Variants in CAT observed in about 807,000 individuals in gnomAD.
CAT encodes epididymis secretory sperm binding protein.
A neutral mutation model predicts 59.0 loss-of-function variants in CAT; 43 were observed. The observed-to-expected ratio is 0.73, with a 90% CI of 0.57 to 0.94. The LOEUF is 0.94. CAT is among the 40% of genes least tolerant of loss of function. CAT has a pLI of 0.00. For missense variants in CAT, 664 were observed against 682.9 expected, an observed-to-expected ratio of 0.97 and a Z score of 0.31; for synonymous variants, 218 against 230.9, an observed-to-expected ratio of 0.94 and a Z score of 0.51.
intron 1 of CAT, among the ~76,000 whole-genome samples, chr11:34,439,895 C>T (rs558739933): frequency 1.1e-4 from 17 of 152,200 alleles, no homozygotes; most frequent in South Asian, 8.3e-4. Flanking sequence ...CCAGGTGGGC[C>T]GGACAAAGCA....
intron 8 of CAT, 72 bp from the exon 9 acceptor site, chr11:34,461,179 T>G (rs1457402982): frequency 3.3e-6 from 5 of 1,524,620 alleles, no homozygotes; most frequent in Non-Finnish European, 4.6e-6. Flanking sequence ...AATTTCAGAA[T>G]GAAGTTTACA....
At chr11:34,451,410 T>G (rs1399354320) in intron 3 of CAT, among the ~76,000 whole-genome samples, 1 of 152,234 alleles carries the variant, frequency 6.6e-6, no homozygotes, top group South Asian at 2.1e-4. Flanking sequence ...TAACTATGCC[T>G]ACAGCTGACC....
chr11:34,449,417 A>G (rs545510446), intron 2 of CAT, 54 bp downstream of exon 2: 1 of 1,500,854 alleles, frequency 6.7e-7, no homozygotes, highest in Non-Finnish European at 9.3e-7. Context: ...ACCTGGGTCA[A>G]GTGTTATTTC....
At chr11:34,464,605 A>C (rs533189603) in intron 10 of CAT, among the ~76,000 whole-genome samples, 1 of 152,232 alleles carries the variant, frequency 6.6e-6, no homozygotes, top group African/African-American at 2.4e-5. Context: ...CTAGAACTAG[A>C]GATCCAAAAT....
At chr11:34,464,972 AG>A (rs1856697292) in intron 10 of CAT, among the ~76,000 whole-genome samples, 1 of 152,196 alleles carries the variant, frequency 6.6e-6, no homozygotes, top group East Asian at 1.9e-4. Flanking sequence ...GTCAGGCTCT[AG>A]TTAACCGCCC....
chr11:34,461,420 G>T, intron 9 of CAT, 31 bp downstream of exon 9: 1 of 1,613,182 alleles, frequency 6.2e-7, no homozygotes, highest in Non-Finnish European at 8.5e-7. Context: ...CTCCCCCTGC[G>T]TGGGCAGAGG....
chr11:34,470,256 A>G (rs186854028), intron 11 of CAT, among the ~76,000 whole-genome samples: 1 of 152,324 alleles, frequency 6.6e-6, no homozygotes, highest in East Asian at 1.9e-4. Flanking sequence ...TTTATTATAA[A>G]GAATACAACT....
chr11:34,445,816 A>G (rs1442846312), intron 1 of CAT, among the ~76,000 whole-genome samples: 9 of 152,156 alleles, frequency 5.9e-5, no homozygotes, highest in Non-Finnish European at 1.5e-5. Flanking sequence ...AGTTGGAGGA[A>G]ATCTCTTTGC....
Position 34,456,191 on chromosome 11 carries a change from G to T in CAT, c.892G>T (p.Asp298Tyr). The T allele has an allele frequency of 6.2e-7, 1 of 1,613,054 alleles. No homozygotes were observed. The highest frequency in any genetic ancestry group is 8.5e-7 in the Non-Finnish European group (1 of 1,179,286). Residue 298 changes from aspartate (D) to tyrosine (Y), a missense_variant, in exon 7 of 13, where the codon GAT becomes TAT. Transcript: ENST00000241052. The stretch of plus-strand genomic sequence containing the variant: ...AGAAACTTTTCCATTTAATCCATTC[G>T]ATCTCACCAAGGTGAGTCAGTAAAC... Reference protein sequence around the residue: ...QAETFPFNPFDLTKVWPHKDY... With the variant: ...QAETFPFNPFYLTKVWPHKDY...
chr11:34,453,995 T>C, intron 6 of CAT, 69 bp downstream of exon 6: 6 of 1,540,286 alleles, frequency 3.9e-6, no homozygotes, highest in South Asian at 3.4e-5. Flanking sequence ...TCCTGAAGGA[T>C]TGAGCAAAGA....
Position 34,456,088 on chromosome 11 carries a change from G to T in CAT, c.789G>T (p.Arg263=). The T allele has an allele frequency of 6.2e-7, 1 of 1,614,000 alleles. No homozygotes were observed. The highest frequency in any genetic ancestry group is 8.5e-7 in the Non-Finnish European group (1 of 1,179,980). Residue 263 remains arginine, a synonymous_variant, in exon 7 of 13, where the codon CGG becomes CGT. Transcript: ENST00000241052. ...AGGAAGATCCTGACTATGGCATCCGGGATCTTTTTAACGCCATTGCCACAG... is the reference window on the plus strand; with the variant it reads ...AGGAAGATCCTGACTATGGCATCCGTGATCTTTTTAACGCCATTGCCACAG... ...LSQEDPDYGI[R]DLFNAIATGK... is the part of the protein sequence containing the mutation.
intron 11 of CAT, 115 bp downstream of exon 11, chr11:34,468,510 TAA>T (rs371396899): frequency 1.3e-4 from 77 of 592,748 alleles, no homozygotes; most frequent in Admixed American, 2.5e-4. Flanking sequence ...TAAGAGAACT[TAA>T]AAAAAAAAAA....
chr11:34,459,347 A>C (rs1027203245), intron 8 of CAT, among the ~76,000 whole-genome samples: 1 of 152,174 alleles, frequency 6.6e-6, no homozygotes, highest in Non-Finnish European at 1.5e-5. Flanking sequence ...GTGGCGGTTG[A>C]TATATTAATG....
intron 6 of CAT, among the ~76,000 whole-genome samples, chr11:34,454,884 T>A (rs1380766667): frequency 6.6e-6 from 1 of 152,186 alleles, no homozygotes; most frequent in Non-Finnish European, 1.5e-5. Context: ...GGGCATAGTA[T>A]TAAAAGTTCT....
Position 34,471,886 on chromosome 11 carries a change from T to C in CAT, c.*453T>C. 1 of 184,978 alleles carries C rather than the reference T, an allele frequency of 5.4e-6. No individual in the cohort carries two copies. Among genetic ancestry groups the C allele is most frequent in the Non-Finnish European group, 1.2e-5 (1 of 86,526 alleles). 11.5% of individuals were successfully genotyped at this position (184,978 alleles called of 1,614,324 possible). On this transcript the variant is annotated 3_prime_UTR_variant, in exon 13 of 13. Coordinates refer to ENST00000241052, the MANE Select transcript of CAT (RefSeq NM_001752.4). ...AGGAAAAGTACATTTAATACAGCAG[T>C]GTCATCAGAAGATAACTTGAGCACC...
intron 1 of CAT, among the ~76,000 whole-genome samples, chr11:34,446,990 T>A (rs1856464505): frequency 6.6e-6 from 1 of 152,176 alleles, no homozygotes. Context: ...GTGATCCACC[T>A]GCTGCAGCCT....
intron 9 of CAT, 45 bp from the exon 10 acceptor site, chr11:34,464,055 TACTTG>T (rs1353788299): frequency 6.2e-7 from 1 of 1,604,282 alleles, no homozygotes; most frequent in African/African-American, 1.3e-5. Flanking sequence ...TTTGCAGACT[TACTTG>T]ACTTTTCTTA....
chr11:34,440,744 G>A (rs2096157815), intron 1 of CAT, among the ~76,000 whole-genome samples: 1 of 151,936 alleles, frequency 6.6e-6, no homozygotes, highest in Non-Finnish European at 1.5e-5. Flanking sequence ...TGTATTTTTA[G>A]TAGAGATGGG....
intron 11 of CAT, 106 bp from the exon 12 acceptor site, chr11:34,470,852 A>G: frequency 1.1e-6 from 1 of 917,254 alleles, no homozygotes; most frequent in Non-Finnish European, 1.8e-6. Context: ...TCCTGCTGAA[A>G]CGTCTTTCCT....
Sources: allele counts gnomAD v4.1 joint callset (sites outside exome capture counted in the v4.1 genomes callset), GRCh38; gene constraint gnomAD v4.1.1; transcripts MANE v1.5; gene names NCBI Gene and HGNC (gene_info 2026-07-23, HGNC 2026-07-21).